Variants in BPIFB1 observed in about 807,000 individuals in gnomAD.
The protein encoded by BPIFB1 is BPI fold containing family B member 1, also known as BPI fold-containing family B member 1.
BPIFB1 carries 34 observed loss-of-function variants against 55.1 expected under a neutral mutation model. The ratio of observed to expected loss-of-function variants is 0.62; its 90% confidence interval spans 0.47 to 0.82. The LOEUF is 0.82. BPIFB1 is among the 40% of genes least tolerant of loss of function. The pLI is 0.00. For missense variants in BPIFB1, 532 were observed against 593.1 expected, an observed-to-expected ratio of 0.90 and a Z score of 1.07; for synonymous variants, 236 against 245.3, an observed-to-expected ratio of 0.96 and a Z score of 0.35.
intron 10 of BPIFB1, 48 bp from the exon 11 acceptor site, chr20:33,302,868 C>A (rs1480651405): frequency 6.2e-7 from 1 of 1,603,230 alleles, no homozygotes; most frequent in Non-Finnish European, 8.5e-7. Context: ...AGCCTGTGGG[C>A]CATGGTGGGC....
chr20:33,301,134 A>G (rs568672978), intron 8 of BPIFB1, 99 bp from the exon 9 acceptor site: 76 of 1,274,260 alleles, frequency 6.0e-5, no homozygotes, highest in Non-Finnish European at 7.6e-5. Context: ...CAAATGCACA[A>G]AAAGGAAACA....
intron 15 of BPIFB1, chr20:33,307,411 G>A (rs1453096532): frequency 6.1e-6 from 1 of 163,720 alleles, no homozygotes; most frequent in Non-Finnish European, 1.3e-5. Flanking sequence ...AGTGGAGGAA[G>A]GCTGAGAAGA....
intron 6 of BPIFB1, among the ~76,000 whole-genome samples, chr20:33,295,682 G>GAAAGAAAGAA (rs1568650131): frequency 7.8e-6 from 1 of 128,850 alleles, no homozygotes; most frequent in African/African-American, 4.2e-5. Flanking sequence ...GAAAGAAAGA[G>GAAAGAAAGAA]AGAAAAAAAG....
Position 33,309,836 on chromosome 20 carries a change from C to A in BPIFB1, c.*69C>A. On this transcript the variant is annotated 3_prime_UTR_variant, in exon 16 of 16. Coordinates refer to ENST00000253354, the MANE Select transcript of BPIFB1 (RefSeq NM_033197.3). The surrounding 1 kb of genome is among the most constrained non-coding windows in gnomAD (Gnocchi z 4.4). ...GAGTATGGGTGTGAGCTCTATAGAC[C>A]ATCCCTCTCTGCAATCAATAAACAC... 1 of 1,374,254 alleles carries A rather than the reference C, an allele frequency of 7.3e-7. No individual in the cohort carries two copies. Among genetic ancestry groups the A allele is most frequent in the Non-Finnish European group, 1.0e-6 (1 of 965,214 alleles). 85.1% of individuals were successfully genotyped at this position (1,374,254 alleles called of 1,614,324 possible).
chr20:33,293,904 TA>T (rs1285967128), intron 6 of BPIFB1, among the ~76,000 whole-genome samples: 2 of 152,214 alleles, frequency 1.3e-5, no homozygotes, highest in African/African-American at 4.8e-5. Context: ...AAGAGTACTT[TA>T]AAACAATGGA....
chr20:33,286,779 G>A (rs781733706), intron 2 of BPIFB1, among the ~76,000 whole-genome samples: 14 of 152,188 alleles, frequency 9.2e-5, no homozygotes, highest in Non-Finnish European at 1.8e-4. Flanking sequence ...TTTATTATGG[G>A]GGGTGTCCTG....
chr20:33,291,031 C>T lies in BPIFB1; in HGVS notation c.440C>T (p.Ala147Val). Reference sequence around the variant, plus strand: ...GCCACCATCCGCATGGACACCAGTGCAAGTGGCCCCACCCGCCTGGTCCTC... The same window carrying T: ...GCCACCATCCGCATGGACACCAGTGTAAGTGGCCCCACCCGCCTGGTCCTC... ...AQATIRMDTS[A>V]SGPTRLVLSD... The change falls in exon 5 of 16, where the codon GCA becomes GTA. Residue 147 changes from alanine to valine, a missense_variant. Ala to Val is a moderately conservative substitution (Grantham distance 64, BLOSUM62 0). Transcript: ENST00000253354. The T allele has an allele frequency of 1.2e-6, 2 of 1,613,826 alleles. No homozygotes were observed. Among genetic ancestry groups the T allele is most frequent in the South Asian group, 2.2e-5 (2 of 91,070 alleles).
In BPIFB1 at chr20:33,289,857, A is replaced by T. The variant is rs758912809; in HGVS notation, c.258-28A>T. ...TTGGGAATAATGAGCCGGAGGCATG[A>T]TTCTGATCTCTCCTAAACCCCATCC... On this transcript the variant is annotated intron_variant, in intron 3 of 15. Coordinates refer to ENST00000253354, the MANE Select transcript of BPIFB1 (RefSeq NM_033197.3). 18 of 1,591,980 alleles carry T rather than the reference A, an allele frequency of 1.1e-5. No individual in the cohort carries two copies. The South Asian group carries it at 1.7e-4, about 15-fold the overall frequency.
At position 33,304,040 on chromosome 20, in the gene BPIFB1, C is replaced by A; in HGVS notation, c.1208+15C>A. 1 of 1,607,464 alleles carries A rather than the reference C, an allele frequency of 6.2e-7. No homozygotes were observed. Among genetic ancestry groups the A allele is most frequent in the South Asian group, 1.1e-5 (1 of 90,018 alleles). ...AATAACATCAGGTAAACACACAAAT[C>A]ATCATGAAGATTCTGCTGATGGAAA... On this transcript the variant is annotated intron_variant, in intron 12 of 15. Coordinates refer to ENST00000253354, the MANE Select transcript of BPIFB1 (RefSeq NM_033197.3).
In BPIFB1 at chr20:33,302,203, G is replaced by A. The variant is rs150420109; in HGVS notation, c.928-156G>A. ...CATGCCCCATAGAAGCTGACCTAGG[G>A]GCTGTTTTTCCACCAATGACAGACA... On this transcript the variant is annotated intron_variant, in intron 9 of 15. Transcript: ENST00000253354. Among the ~76,000 whole-genome samples, 391 of 152,204 alleles carry A rather than the reference G, an allele frequency of 2.6e-3. 4 individuals carry two copies. The highest frequency in any genetic ancestry group is 9.0e-3 in the African/African-American group (374 of 41,530).
intron 10 of BPIFB1, 44 bp from the exon 11 acceptor site, chr20:33,302,872 G>C: frequency 1.2e-6 from 2 of 1,606,016 alleles, no homozygotes; most frequent in Non-Finnish European, 1.7e-6. Flanking sequence ...TGTGGGCCAT[G>C]GTGGGCACTT....
intron 1 of BPIFB1, among the ~76,000 whole-genome samples, chr20:33,284,301 A>G (rs1980194525): frequency 6.6e-6 from 1 of 152,178 alleles, no homozygotes; most frequent in Non-Finnish European, 1.5e-5. Context: ...CCAAGCCAAT[A>G]ATATTTTCCC....
intron 14 of BPIFB1, among the ~76,000 whole-genome samples, 197 bp downstream of exon 14, chr20:33,306,262 A>G (rs540255070): frequency 2.6e-5 from 4 of 152,306 alleles, no homozygotes; most frequent in African/African-American, 9.6e-5. Context: ...CGTAAAGATG[A>G]ACCAAGCAGT....
chr20:33,284,440 C>A (rs1275809650), intron 1 of BPIFB1, among the ~76,000 whole-genome samples: 2 of 152,138 alleles, frequency 1.3e-5, no homozygotes, highest in Admixed American at 1.3e-4. Flanking sequence ...CTATGCCAAC[C>A]ACTATACTGG....
chr20:33,299,028 T>C (rs915110697), intron 7 of BPIFB1: 2 of 291,228 alleles, frequency 6.9e-6, no homozygotes, highest in Admixed American at 4.1e-5. Flanking sequence ...AAGTAATTTT[T>C]ACAGGAGTCA....
At chr20:33,288,042 C>A (rs773391330) in intron 2 of BPIFB1, among the ~76,000 whole-genome samples, 5 of 152,194 alleles carry the variant, frequency 3.3e-5, no homozygotes, top group Non-Finnish European at 7.3e-5. Context: ...CTCTGATACA[C>A]AATGAGGGAC....
rs1424759338 is a variant in BPIFB1, at chr20:33,290,000, A to G, written c.365+8A>G. ...GGTGGCTGGATTCAACACGTGAGTGACCCCTCCATCAAGTACAGTAGGCTT... is the reference window on the plus strand; with the variant it reads ...GGTGGCTGGATTCAACACGTGAGTGGCCCCTCCATCAAGTACAGTAGGCTT... On this transcript the variant is annotated splice_region_variant and intron_variant, in intron 4 of 15. Transcript: ENST00000253354. The G allele has an allele frequency of 6.2e-7, 1 of 1,608,854 alleles. No homozygotes were observed. Among genetic ancestry groups the G allele is most frequent in the Non-Finnish European group, 8.5e-7 (1 of 1,175,378 alleles).
At chr20:33,299,283 G>A (rs1380968153) in intron 7 of BPIFB1, 1 of 415,948 alleles carries the variant, frequency 2.4e-6, no homozygotes, top group Non-Finnish European at 5.0e-6. Context: ...ATACACCGGG[G>A]CAGGTGACAC....
At chr20:33,307,766 T>G (rs1981083503) in intron 15 of BPIFB1, 1 of 152,044 alleles carries the variant, frequency 6.6e-6, no homozygotes, top group Admixed American at 6.6e-5. Flanking sequence ...ATACAAAAAT[T>G]AGCTGGGCGT....
Sources: allele counts gnomAD v4.1 joint callset (sites outside exome capture counted in the v4.1 genomes callset), GRCh38; gene constraint gnomAD v4.1.1; non-coding constraint Gnocchi (gnomAD v3.1); transcripts MANE v1.5; gene names NCBI Gene and HGNC (gene_info 2026-07-23, HGNC 2026-07-21).